APP: variants seen among roughly 807,000 people sequenced by gnomAD.
APP encodes amyloid beta precursor protein.
Under a neutral mutation model 101.4 loss-of-function variants are expected in APP, and 31 were observed. That is an observed-to-expected ratio of 0.31 (90% CI 0.23 to 0.41). The LOEUF (loss-of-function observed/expected upper bound fraction) is 0.41, where lower values mean the gene tolerates loss of function less well. Ranked by LOEUF, APP falls within the 10% of genes least tolerant of loss-of-function variation. The pLI is 1.00. For synonymous variants in APP, 366 were observed against 364.4 expected, an observed-to-expected ratio of 1.00 and a Z score of -0.05; for missense variants, 839 against 1,003.7, an observed-to-expected ratio of 0.84 and a Z score of 2.22.
intron 16 of APP, among the ~76,000 whole-genome samples, chr21:25,896,437 A>ACACAC (rs572123142): frequency 7.0e-6 from 1 of 143,206 alleles, no homozygotes; most frequent in Non-Finnish European, 1.6e-5. Flanking sequence ...CACACACACA[A>ACACAC]AACAAAACAA....
In APP at chr21:25,905,013, G is replaced by T; in HGVS notation, c.1963+11C>A. 4 of 1,613,206 alleles carry T rather than the reference G, an allele frequency of 2.5e-6. No individual in the cohort carries two copies. Among genetic ancestry groups the T allele is most frequent in the Non-Finnish European group, 3.4e-6 (4 of 1,179,442 alleles). Reference sequence around the variant, plus strand: ...AGATGCGGAGAGGCACAAGTCAAGCGGTTCTGATACCTGGTCGAGTGGTCA... The same window carrying T: ...AGATGCGGAGAGGCACAAGTCAAGCTGTTCTGATACCTGGTCGAGTGGTCA... On this transcript the variant is annotated intron_variant, in intron 15 of 17. Transcript: ENST00000346798.
At chr21:26,032,617 C>T (rs1464306522) in intron 5 of APP, among the ~76,000 whole-genome samples, 4 of 152,126 alleles carry the variant, frequency 2.6e-5, no homozygotes, top group Non-Finnish European at 5.9e-5. Context: ...GTAAATAACA[C>T]ACTTGGAACA....
At chr21:25,935,193 T>C (rs373281685) in intron 13 of APP, 1 of 152,210 alleles carries the variant, frequency 6.6e-6, no homozygotes, top group Non-Finnish European at 1.5e-5. Context: ...AAGTCAGCTG[T>C]TGTACCTGTG....
intron 2 of APP, 22 bp downstream of exon 2, chr21:26,111,957 C>G (rs1263293694): frequency 5.0e-6 from 8 of 1,613,596 alleles, no homozygotes; most frequent in African/African-American, 1.3e-5. Flanking sequence ...ACGTGAATTG[C>G]TAGCCACCGG....
intron 1 of APP, among the ~76,000 whole-genome samples, chr21:26,131,558 A>G (rs769838192): frequency 6.6e-6 from 1 of 152,226 alleles, no homozygotes; most frequent in African/African-American, 2.4e-5. Flanking sequence ...GGGAAATAAG[A>G]AAATTTATAC....
intron 8 of APP, among the ~76,000 whole-genome samples, chr21:25,989,278 C>A (rs1000428779): frequency 6.6e-6 from 1 of 152,234 alleles, no homozygotes; most frequent in Non-Finnish European, 1.5e-5. Context: ...TGTACATGCA[C>A]TGATTTCCCT....
intron 5 of APP, among the ~76,000 whole-genome samples, chr21:26,039,941 T>C (rs2045297069): frequency 6.6e-6 from 1 of 152,186 alleles, no homozygotes; most frequent in African/African-American, 2.4e-5. Context: ...TATTTACAGA[T>C]TGAGTAATCC....
intron 11 of APP, among the ~76,000 whole-genome samples, chr21:25,967,945 A>T (rs1309976879): frequency 6.6e-6 from 1 of 152,162 alleles, no homozygotes; most frequent in Non-Finnish European, 1.5e-5. Context: ...TAATTCTTCC[A>T]GGGGGAAAAA....
chr21:26,062,823 C>T (rs977582647), intron 3 of APP, among the ~76,000 whole-genome samples: 1 of 151,946 alleles, frequency 6.6e-6, no homozygotes, highest in African/African-American at 2.4e-5. Flanking sequence ...AGTGCAATGG[C>T]ACGATCACAG....
At chr21:26,022,687 G>A (rs547639788) in intron 5 of APP, among the ~76,000 whole-genome samples, 89 of 152,254 alleles carry the variant, frequency 5.8e-4, no homozygotes, top group African/African-American at 2.0e-3. Flanking sequence ...GTGGGGTGGT[G>A]GATATCAAAA....
At chr21:25,916,758 A>C (rs185056372) in intron 13 of APP, among the ~76,000 whole-genome samples, 7 of 152,298 alleles carry the variant, frequency 4.6e-5, no homozygotes, top group Admixed American at 2.6e-4. Flanking sequence ...CCCCTTCTAA[A>C]AGCTATTTGT....
chr21:25,955,349 T>C (rs1205873856), intron 12 of APP, among the ~76,000 whole-genome samples: 2 of 152,242 alleles, frequency 1.3e-5, no homozygotes, highest in South Asian at 2.1e-4. Flanking sequence ...TATACAACTT[T>C]TGTTTTTCTC....
chr21:25,910,797 G>C (rs560828838), intron 14 of APP, among the ~76,000 whole-genome samples: 1 of 152,302 alleles, frequency 6.6e-6, no homozygotes, highest in South Asian at 2.1e-4. Context: ...TAAGTCTTAA[G>C]CAAAATTAAA....
intron 6 of APP, among the ~76,000 whole-genome samples, chr21:26,017,249 G>A (rs182182610): frequency 8.4e-5 from 12 of 143,286 alleles, no homozygotes; most frequent in African/African-American, 1.8e-4. Context: ...GGCTTTAAAC[G>A]GGGAAGTAAA....
In APP at chr21:25,930,802, T is replaced by C. The variant is rs144350001; in HGVS notation, c.1688-18840A>G. ...TGGTGAACAATTCTAGATATAGCAA[T>C]GGTTCTTTCTCCTCTGCTTTAGCTT... On this transcript the variant is annotated intron_variant, in intron 13 of 17. Transcript: ENST00000346798. 6.9e-3 allele frequency among the ~76,000 whole-genome samples: 1,051 copies of C among 152,326 alleles called. 16 individuals are homozygous for C. The highest frequency in any genetic ancestry group is 0.024 in the African/African-American group (992 of 41,568).
intron 5 of APP, among the ~76,000 whole-genome samples, chr21:26,032,742 A>G (rs2044887689): frequency 6.6e-6 from 1 of 151,808 alleles, no homozygotes; most frequent in South Asian, 2.1e-4. Context: ...AATGGTATAA[A>G]AATATCATTT....
At chr21:26,075,954 C>A (rs1044803699) in intron 3 of APP, among the ~76,000 whole-genome samples, 1 of 152,100 alleles carries the variant, frequency 6.6e-6, no homozygotes, top group African/African-American at 2.4e-5. Flanking sequence ...CGTGCAGTGG[C>A]GCGATCTCGG....
chr21:26,086,814 T>C (rs924191444), intron 3 of APP, among the ~76,000 whole-genome samples: 1 of 152,228 alleles, frequency 6.6e-6, no homozygotes, highest in African/African-American at 2.4e-5. Flanking sequence ...TAATTCATAG[T>C]GAATATTTGT....
At chr21:25,965,544 G>A (rs2041763564) in intron 11 of APP, among the ~76,000 whole-genome samples, 1 of 152,086 alleles carries the variant, frequency 6.6e-6, no homozygotes. Flanking sequence ...TGAGTTTTTT[G>A]TTGATATTAA....
Sources: gnomAD v4.1 joint callset for allele counts (sites outside exome capture counted in the v4.1 genomes callset) on GRCh38, gnomAD v4.1.1 for gene constraint, MANE v1.5 for transcripts, NCBI Gene and HGNC (gene_info 2026-07-23, HGNC 2026-07-21) for gene names.